The following MAPRE3 variants were observed in gnomAD, a reference collection of about 807,000 sequenced individuals.
MAPRE3 encodes microtubule-associated protein RP/EB family member 3.
MAPRE3 carries 2 observed loss-of-function variants against 30.5 expected under a neutral mutation model. The ratio of observed to expected loss-of-function variants is 0.07; its 90% CI spans 0.03 to 0.21. The LOEUF is 0.21. Ranked by LOEUF, MAPRE3 falls within the 10% of genes least tolerant of loss-of-function variation. MAPRE3 has a pLI of 1.00. For synonymous variants in MAPRE3, 110 were observed against 127.7 expected, an observed-to-expected ratio of 0.86 and a Z score of 0.93; for missense variants, 204 against 351.8, an observed-to-expected ratio of 0.58 and a Z score of 3.36.
intron 1 of MAPRE3, among the ~76,000 whole-genome samples, chr2:26,999,839 G>A (rs1480358066): frequency 6.6e-6 from 1 of 152,114 alleles, no homozygotes; most frequent in East Asian, 1.9e-4. Flanking sequence ...ACATCTCATA[G>A]ATTTTTTTTT....
At chr2:27,022,009 ACTGG>A (rs2148227931) in intron 1 of MAPRE3, among the ~76,000 whole-genome samples, 199 bp from the exon 2 acceptor site, 1 of 152,338 alleles carries the variant, frequency 6.6e-6, no homozygotes, top group East Asian at 1.9e-4. Flanking sequence ...ACTTGGAATT[ACTGG>A]CTCCTGGTGC....
chr2:27,025,498 C>A, intron 4 of MAPRE3, 85 bp from the exon 5 acceptor site: 1 of 1,381,644 alleles, frequency 7.2e-7, no homozygotes, highest in Non-Finnish European at 9.9e-7. Flanking sequence ...CATGGGCCTG[C>A]CCCCGCAGTC....
At chr2:26,974,806 G>A (rs1484900427) in intron 1 of MAPRE3, among the ~76,000 whole-genome samples, 1 of 152,218 alleles carries the variant, frequency 6.6e-6, no homozygotes, top group Non-Finnish European at 1.5e-5. Flanking sequence ...TTAAATGAAA[G>A]GGAGTATGTA....
chr2:27,026,091 G>A (rs1316218292), intron 6 of MAPRE3, 59 bp downstream of exon 6: 1 of 1,591,016 alleles, frequency 6.3e-7, no homozygotes, highest in African/African-American at 1.3e-5. Flanking sequence ...AAGACCAGAA[G>A]CGCGATAGGG....
intron 1 of MAPRE3, among the ~76,000 whole-genome samples, chr2:26,974,293 C>G (rs1184174451): frequency 1.3e-5 from 2 of 152,306 alleles, no homozygotes; most frequent in East Asian, 3.9e-4. Context: ...GCTGCACAGC[C>G]AGGCAAAATT....
At chr2:27,026,233 G>C (rs1324875499) in intron 6 of MAPRE3, 47 bp from the exon 7 acceptor site, 2 of 1,561,764 alleles carry the variant, frequency 1.3e-6, no homozygotes, top group African/African-American at 2.7e-5. Context: ...GAGAAGCCCT[G>C]CCTGGCCTGC....
At chr2:26,987,266 A>G (rs1666242874) in intron 1 of MAPRE3, among the ~76,000 whole-genome samples, 1 of 152,202 alleles carries the variant, frequency 6.6e-6, no homozygotes, top group Admixed American at 6.5e-5. Context: ...GCTGAGTTCA[A>G]AGAGGTAGAG....
At chr2:27,018,983 C>T (rs901668380) in intron 1 of MAPRE3, among the ~76,000 whole-genome samples, 7 of 151,728 alleles carry the variant, frequency 4.6e-5, no homozygotes, top group South Asian at 2.1e-4. Flanking sequence ...GTGGCATGAT[C>T]TTGGCTCACT....
Position 27,022,244 on chromosome 2 carries a change from C to T in MAPRE3, c.26C>T (p.Ser9Phe). 1 of 1,614,064 alleles carries T rather than the reference C, an allele frequency of 6.2e-7. No homozygotes were observed. Among genetic ancestry groups the T allele is most frequent in the Non-Finnish European group, 8.5e-7 (1 of 1,180,042 alleles). Residue 9 changes from serine (S) to phenylalanine (F), a missense_variant, in exon 2 of 7, where the codon TCT (serine) becomes TTT (phenylalanine). This residue lies in a region of MAPRE3 where 101 missense variants were observed against 205.4 expected (regional missense o/e 0.49). Coordinates refer to ENST00000233121, the MANE Select transcript of MAPRE3 (RefSeq NM_012326.4). ...ATGGCCGTCAATGTGTACTCCACAT[C>T]TGTGACCAGTGAAAATCTGAGTCGC... MAVNVYST[S>F]VTSENLSRHD...
At chr2:27,018,819 A>G (rs1352408202) in intron 1 of MAPRE3, among the ~76,000 whole-genome samples, 3 of 152,234 alleles carry the variant, frequency 2.0e-5, no homozygotes, top group African/African-American at 7.2e-5. Context: ...GAACTGGTGT[A>G]GAACCCGAAA....
Position 26,973,260 on chromosome 2 carries a change from G to A in MAPRE3, c.-8+2458G>A, listed in dbSNP as rs1665948569. Among the ~76,000 whole-genome samples, 3 of 152,308 alleles carry A rather than the reference G, an allele frequency of 2.0e-5. No homozygotes were observed. The South Asian group carries it at 6.2e-4, about 32-fold the overall frequency. ...GATAGTATTCCTGTGTGATGATGCC[G>A]TTTCTGACCTACCGTCCTGAGAGTG... On this transcript the variant is annotated intron_variant, in intron 1 of 6. Coordinates refer to ENST00000233121, the MANE Select transcript of MAPRE3 (RefSeq NM_012326.4).
At chr2:27,018,904 T>G (rs903552484) in intron 1 of MAPRE3, among the ~76,000 whole-genome samples, 4 of 151,054 alleles carry the variant, frequency 2.6e-5, no homozygotes, top group Non-Finnish European at 5.9e-5. Context: ...TTTTTATTTA[T>G]TTATTTATTT....
intron 4 of MAPRE3, 107 bp from the exon 5 acceptor site, chr2:27,025,476 G>A: frequency 1.7e-6 from 2 of 1,169,704 alleles, no homozygotes; most frequent in South Asian, 1.5e-5. Context: ...GGGTGAGAGT[G>A]CCTGCCTGTC....
At chr2:26,972,375 C>T (rs1390420412) in intron 1 of MAPRE3, among the ~76,000 whole-genome samples, 1 of 152,258 alleles carries the variant, frequency 6.6e-6, no homozygotes, top group Non-Finnish European at 1.5e-5. Flanking sequence ...CATAGCCACT[C>T]CCTGCCCCCA....
At chr2:27,013,683 CT>C (rs1666913348) in intron 1 of MAPRE3, 1 of 152,252 alleles carries the variant, frequency 6.6e-6, no homozygotes, top group African/African-American at 2.4e-5. Flanking sequence ...ACAGCTCTGT[CT>C]TTCTGCCTGA....
intron 1 of MAPRE3, among the ~76,000 whole-genome samples, chr2:26,997,665 GTTGGGAATCCCTGGTAGAAAGGATAGT>G (rs1156708733): frequency 5.9e-5 from 9 of 152,206 alleles, no homozygotes; most frequent in African/African-American, 1.4e-4. Context: ...CAGCCTGGGG[GTTGGGAATCCCTGGTAGAAAGGATAGT>G]TTGGTAATCC....
chr2:27,018,707 C>T (rs1449174575), intron 1 of MAPRE3, among the ~76,000 whole-genome samples: 3 of 152,120 alleles, frequency 2.0e-5, no homozygotes, highest in African/African-American at 4.8e-5. Context: ...TCCACTCCTC[C>T]TCCTGTTACT....
chr2:26,992,193 G>C lies in MAPRE3; in HGVS notation c.-8+21391G>C, dbSNP rs139279839. 1.0e-3 allele frequency among the ~76,000 whole-genome samples: 155 copies of C among 151,896 alleles called. 2 individuals carry two copies. Among genetic ancestry groups the C allele is most frequent in the Admixed American group, 8.9e-3 (136 of 15,246 alleles). ...TTTAAAGTCACATTTTAGGAGAAGC[G>C]TAGTACTCATTCTCACTGACTAATG... On this transcript the variant is annotated intron_variant, in intron 1 of 6. Coordinates refer to ENST00000233121, the MANE Select transcript of MAPRE3 (RefSeq NM_012326.4).
rs1667125840 is a variant in MAPRE3 at position 27,022,359 on chromosome 2, G to A, written c.121+20G>A. ...GTTCAGGTAGGAGGCTGGGAATATG[G>A]GAAGTGGCCCTGCTGGAAGGAAAGG... On this transcript the variant is annotated intron_variant, in intron 2 of 6. Transcript: ENST00000233121. 6.2e-7 allele frequency: 1 copy of A among 1,611,782 alleles called. No homozygotes were observed. The highest frequency in any genetic ancestry group is 1.3e-5 in the African/African-American group (1 of 74,878).
Sources: allele counts gnomAD v4.1 joint callset (sites outside exome capture counted in the v4.1 genomes callset), GRCh38; gene constraint gnomAD v4.1.1; regional missense constraint gnomAD v4.1.1; transcripts MANE v1.5; gene names NCBI Gene and HGNC (gene_info 2026-07-23, HGNC 2026-07-21).